Variants in AGMO observed in about 807,000 individuals in gnomAD.
AGMO encodes alkylglycerol monooxygenase.
AGMO carries 75 observed loss-of-function variants against 60.2 expected under a neutral mutation model. The observed-to-expected ratio is 1.25, with a 90% CI of 1.03 to 1.51. The LOEUF is 1.51. Among genes scored for constraint, AGMO ranks in the 40% most tolerant of loss-of-function variants. The probability of loss-of-function intolerance (pLI) is 0.00; values close to 1 mark genes in which losing one functional copy is unlikely to be tolerated. For missense variants in AGMO, 763 were observed against 525.5 expected (o/e 1.45, Z -4.42); for synonymous variants, 261 against 177.1 (o/e 1.47, Z -3.76).
At chr7:15,191,290 T>C in the AGMO span, among the ~76,000 whole-genome samples, 1 of 152,174 alleles carries the variant, frequency 6.6e-6, no homozygotes, top group Non-Finnish European at 1.5e-5. Flanking sequence ...TCTTGCTAAA[T>C]GTGGGAAAAT....
At chr7:15,204,489 A>G (rs1228178850) in intron 12 of AGMO, among the ~76,000 whole-genome samples, 1 of 152,192 alleles carries the variant, frequency 6.6e-6, no homozygotes, top group Non-Finnish European at 1.5e-5. Flanking sequence ...TCTCTAATCT[A>G]CATATATGAT....
At chr7:15,351,771 A>G (rs887930594) in intron 12 of AGMO, among the ~76,000 whole-genome samples, 2 of 152,090 alleles carry the variant, frequency 1.3e-5, no homozygotes, top group Non-Finnish European at 1.5e-5. Flanking sequence ...TAAAAATAAC[A>G]AAGTATACGG....
intron 3 of AGMO, among the ~76,000 whole-genome samples, chr7:15,531,332 TA>T (rs1784336319): frequency 1.0e-5 from 1 of 97,558 alleles, no homozygotes; most frequent in Non-Finnish European, 1.8e-5. Flanking sequence ...ATTCTATATA[TA>T]TTCTATATAT....
chr7:15,147,091 GTTGC>G, the AGMO span, among the ~76,000 whole-genome samples: 5 of 152,102 alleles, frequency 3.3e-5, no homozygotes, highest in Non-Finnish European at 5.9e-5. Context: ...CTCCCTTCTT[GTTGC>G]TTGGCCTTCT....
intron 3 of AGMO, among the ~76,000 whole-genome samples, chr7:15,495,845 C>G (rs1282913917): frequency 1.0e-5 from 1 of 98,854 alleles, no homozygotes; most frequent in Non-Finnish European, 2.4e-5. Flanking sequence ...TCTCTCTCCT[C>G]TCTCTCTCCT....
the AGMO span, among the ~76,000 whole-genome samples, chr7:15,161,461 C>A: frequency 2.0e-5 from 3 of 151,496 alleles, no homozygotes; most frequent in African/African-American, 4.8e-5. Flanking sequence ...CACACACATA[C>A]ATATACACAT....
At chr7:15,448,255 T>C (rs1428982268) in intron 3 of AGMO, among the ~76,000 whole-genome samples, 1 of 152,126 alleles carries the variant, frequency 6.6e-6, no homozygotes, top group African/African-American at 2.4e-5. Context: ...GCAAGGCTAT[T>C]TGGAAGATAA....
intron 2 of AGMO, among the ~76,000 whole-genome samples, chr7:15,546,472 G>A (rs1445725757): frequency 6.6e-6 from 1 of 152,200 alleles, no homozygotes; most frequent in South Asian, 2.1e-4. Flanking sequence ...CAGTGGCCCT[G>A]AGCCTGCTTG....
intron 12 of AGMO, among the ~76,000 whole-genome samples, chr7:15,244,777 G>A (rs905886037): frequency 1.1e-4 from 17 of 151,982 alleles, no homozygotes; most frequent in Non-Finnish European, 1.8e-4. Flanking sequence ...TCAGCCTCCC[G>A]AGTGGCTGGG....
At chr7:15,538,439 T>C (rs749529925) in intron 3 of AGMO, among the ~76,000 whole-genome samples, 21 of 152,074 alleles carry the variant, frequency 1.4e-4, no homozygotes, top group Non-Finnish European at 2.8e-4. Context: ...CTCCATGTTG[T>C]CCAGGTTGGT....
chr7:15,189,920 T>C, the AGMO span, among the ~76,000 whole-genome samples: 132,346 of 150,358 alleles, frequency 0.88, 58,391 homozygotes, highest in East Asian at 1. Flanking sequence ...AAAGTTAAAA[T>C]CTAAATTATT....
At chr7:15,518,639 G>C (rs1475401916) in intron 3 of AGMO, among the ~76,000 whole-genome samples, 1 of 151,992 alleles carries the variant, frequency 6.6e-6, no homozygotes, top group African/African-American at 2.4e-5. Flanking sequence ...TCAACAAAAA[G>C]GGCGACCACT....
chr7:15,224,114 A>C (rs1424169202), intron 12 of AGMO, among the ~76,000 whole-genome samples: 7 of 152,026 alleles, frequency 4.6e-5, no homozygotes, highest in Admixed American at 4.6e-4. Flanking sequence ...ATCTCCTTCT[A>C]AGAAGGTATG....
intron 4 of AGMO, among the ~76,000 whole-genome samples, chr7:15,426,838 A>G (rs942956873): frequency 1.3e-5 from 2 of 152,154 alleles, no homozygotes; most frequent in Non-Finnish European, 2.9e-5. Context: ...GCAAAGAAAT[A>G]GCAATGCATT....
chr7:15,152,342 G>T, the AGMO span, among the ~76,000 whole-genome samples: 32 of 152,166 alleles, frequency 2.1e-4, no homozygotes, highest in African/African-American at 7.7e-4. Flanking sequence ...ATGGTAAAAG[G>T]TTTTTTGAAT....
At chr7:15,384,214 G>A (rs1274436089) in intron 10 of AGMO, among the ~76,000 whole-genome samples, 1 of 152,188 alleles carries the variant, frequency 6.6e-6, no homozygotes, top group Admixed American at 6.5e-5. Context: ...TGGGATTACA[G>A]GCATGAGCCA....
chr7:15,211,058 A>C (rs1781574444), intron 12 of AGMO, among the ~76,000 whole-genome samples: 2 of 151,360 alleles, frequency 1.3e-5, no homozygotes. Flanking sequence ...CTGGTAAAAC[A>C]AAAGAAAAAA....
chr7:15,292,583 G>C (rs888297881), intron 12 of AGMO, among the ~76,000 whole-genome samples: 1 of 152,010 alleles, frequency 6.6e-6, no homozygotes, highest in Non-Finnish European at 1.5e-5. Flanking sequence ...CAATATTGTA[G>C]AGGTTCTTTC....
At chr7:15,254,553 T>C (rs1783042509) in intron 12 of AGMO, among the ~76,000 whole-genome samples, 1 of 152,174 alleles carries the variant, frequency 6.6e-6, no homozygotes, top group Non-Finnish European at 1.5e-5. Context: ...TTGAGGTCTT[T>C]TGACCATTTA....
Sources: allele counts gnomAD v4.1 joint callset (sites outside exome capture counted in the v4.1 genomes callset), GRCh38; gene constraint gnomAD v4.1.1; transcripts MANE v1.5; gene names NCBI Gene and HGNC (gene_info 2026-07-23, HGNC 2026-07-21).